Variants in MLLT3 observed in about 807,000 individuals in gnomAD.
The protein encoded by MLLT3 is MLLT3 super elongation complex subunit.
Under a neutral mutation model 53.2 loss-of-function variants are expected in MLLT3, and 4 were observed. The observed-to-expected ratio is 0.08, with a 90% confidence interval of 0.04 to 0.17. MLLT3 has a LOEUF of 0.17. Ranked by LOEUF, MLLT3 falls within the 10% of genes least tolerant of loss-of-function variation. The pLI is 1.00. For missense variants in MLLT3, 569 were observed against 684.0 expected, an observed-to-expected ratio of 0.83 and a Z score of 1.87; for synonymous variants, 283 against 230.6, an observed-to-expected ratio of 1.23 and a Z score of -2.06.
At chr9:20,484,876 C>T (rs1824767129) in intron 2 of MLLT3, among the ~76,000 whole-genome samples, 1 of 152,020 alleles carries the variant, frequency 6.6e-6, no homozygotes, top group African/African-American at 2.4e-5. Flanking sequence ...ATTTTGAACG[C>T]AGTTAAATAT....
intron 2 of MLLT3, chr9:20,532,616 A>G: frequency 3.9e-6 from 1 of 258,770 alleles, no homozygotes; most frequent in East Asian, 8.5e-5. Context: ...CTGAAAAAGC[A>G]GGAGGCCAAG....
At chr9:20,363,908 T>A (rs933383735) in intron 6 of MLLT3, among the ~76,000 whole-genome samples, 3 of 152,210 alleles carry the variant, frequency 2.0e-5, no homozygotes, top group Admixed American at 2.0e-4. Context: ...GAAAAATCTA[T>A]CAGTAAATTG....
intron 2 of MLLT3, among the ~76,000 whole-genome samples, chr9:20,496,439 A>G (rs1387250390): frequency 6.6e-6 from 1 of 152,080 alleles, no homozygotes; most frequent in Admixed American, 6.6e-5. Flanking sequence ...CCTTCACTCC[A>G]TTCTATCCCA....
At chr9:20,360,684 TA>T in intron 8 of MLLT3, 57 bp downstream of exon 8, 2 of 1,400,812 alleles carry the variant, frequency 1.4e-6, no homozygotes, top group Non-Finnish European at 2.0e-6. Context: ...GCATGCTTTG[TA>T]AAAATGATTA....
In MLLT3 at chr9:20,456,875, C is replaced by G. The variant is rs565680783; in HGVS notation, c.194-89G>C. ...AAAAAAAAAAATCCCATTCTACCAT[C>G]TAGATCACACGCAATTTTCATAGCC... On this transcript the variant is annotated intron_variant, in intron 2 of 10. Coordinates refer to ENST00000380338, the MANE Select transcript of MLLT3 (RefSeq NM_004529.4). 115 of 941,278 alleles carry G rather than the reference C, an allele frequency of 1.2e-4. 2 individuals are homozygous for G. In the African/African-American group the frequency reaches 1.6e-3, roughly 13 times the overall value. 58.3% of individuals were successfully genotyped at this position (941,278 alleles called of 1,614,324 possible). A position where few individuals can be genotyped will look rare whatever the true frequency, so the allele number is the denominator to read the frequency against.
intron 4 of MLLT3, among the ~76,000 whole-genome samples, chr9:20,426,362 T>C (rs963243561): frequency 3.3e-5 from 5 of 152,174 alleles, no homozygotes; most frequent in Admixed American, 6.5e-5. Flanking sequence ...CTCTTAGTAC[T>C]AGCTTGATTT....
chr9:20,550,925 AT>A (rs1818909845), intron 2 of MLLT3, among the ~76,000 whole-genome samples: 1 of 151,758 alleles, frequency 6.6e-6, no homozygotes, highest in African/African-American at 2.4e-5. Context: ...GCCCAGCTAA[AT>A]TTTTTTCATT....
intron 2 of MLLT3, among the ~76,000 whole-genome samples, chr9:20,541,071 C>T (rs1253648016): frequency 6.6e-6 from 1 of 152,170 alleles, no homozygotes; most frequent in Non-Finnish European, 1.5e-5. Flanking sequence ...GGGTAAAATG[C>T]CACCAGCCTT....
chr9:20,521,389 C>G (rs1818053283), intron 2 of MLLT3, among the ~76,000 whole-genome samples: 1 of 151,976 alleles, frequency 6.6e-6, no homozygotes, highest in African/African-American at 2.4e-5. Context: ...AAACTTTAAA[C>G]CAAATCAATT....
At chr9:20,567,738 A>T (rs1819416911) in intron 2 of MLLT3, among the ~76,000 whole-genome samples, 1 of 152,200 alleles carries the variant, frequency 6.6e-6, no homozygotes, top group South Asian at 2.1e-4. Context: ...TTTGAAATGA[A>T]CAAATTGATT....
At chr9:20,432,096 A>G (rs1458159278) in intron 4 of MLLT3, among the ~76,000 whole-genome samples, 1 of 152,184 alleles carries the variant, frequency 6.6e-6, no homozygotes, top group African/African-American at 2.4e-5. Flanking sequence ...TCCTGATGTC[A>G]AAATCTTCTA....
At chr9:20,578,755 G>A (rs934587849) in intron 2 of MLLT3, among the ~76,000 whole-genome samples, 13 of 151,944 alleles carry the variant, frequency 8.6e-5, no homozygotes, top group African/African-American at 2.4e-4. Flanking sequence ...AACAATTCAA[G>A]TATATGACGC....
chr9:20,590,251 T>C (rs1587108313), intron 2 of MLLT3, among the ~76,000 whole-genome samples: 3 of 152,152 alleles, frequency 2.0e-5, no homozygotes. Context: ...AAAATGGCAG[T>C]TGTGCCTCCC....
At chr9:20,360,682 T>G in intron 8 of MLLT3, 60 bp downstream of exon 8, 1 of 1,383,228 alleles carries the variant, frequency 7.2e-7, no homozygotes, top group Non-Finnish European at 1.0e-6. Flanking sequence ...TTGCATGCTT[T>G]GTAAAAATGA....
chr9:20,569,070 A>G (rs960985218), intron 2 of MLLT3, among the ~76,000 whole-genome samples: 1 of 152,174 alleles, frequency 6.6e-6, no homozygotes, highest in African/African-American at 2.4e-5. Flanking sequence ...ACCCTATGTG[A>G]GGGTAACACT....
At chr9:20,462,311 TTTCC>T (rs1487032997) in intron 2 of MLLT3, among the ~76,000 whole-genome samples, 1 of 152,244 alleles carries the variant, frequency 6.6e-6, no homozygotes, top group Non-Finnish European at 1.5e-5. Context: ...TTGTGTTTTA[TTTCC>T]TCCATTTCCT....
intron 2 of MLLT3, among the ~76,000 whole-genome samples, chr9:20,540,625 C>T (rs1346853170): frequency 2.0e-5 from 3 of 152,252 alleles, no homozygotes; most frequent in African/African-American, 4.8e-5. Context: ...TGTCTTAAGG[C>T]TGCACAAAGC....
intron 2 of MLLT3, among the ~76,000 whole-genome samples, chr9:20,546,769 T>A (rs966635453): frequency 1.3e-5 from 2 of 152,216 alleles, no homozygotes; most frequent in Non-Finnish European, 2.9e-5. Context: ...TCCCATCCTG[T>A]CCCGTGGAAC....
Position 20,345,143 on chromosome 9 carries a change from G to T in MLLT3, c.*1300C>A, listed in dbSNP as rs1347871852. ...TAGTTTCAAAACAAGGGTACAACAA[G>T]AACAAAAAAATCCCCCCATCCCCAA... On this transcript the variant is annotated 3_prime_UTR_variant, in exon 11 of 11. Transcript: ENST00000380338. 4.5e-6 allele frequency: 1 copy of T among 223,628 alleles called. No individual in the cohort carries two copies. Among genetic ancestry groups the T allele is most frequent in the South Asian group, 1.9e-4 (1 of 5,404 alleles). The allele number at this position is 223,628 out of a possible 1,614,324, so 13.9% of individuals were successfully genotyped here.
Sources: allele counts gnomAD v4.1 joint callset (sites outside exome capture counted in the v4.1 genomes callset), GRCh38; gene constraint gnomAD v4.1.1; transcripts MANE v1.5; gene names NCBI Gene and HGNC (gene_info 2026-07-23, HGNC 2026-07-21).